SMCO4: variants seen among roughly 807,000 people sequenced by gnomAD.
SMCO4 encodes single-pass membrane and coiled-coil domain-containing protein 4.
Under a neutral mutation model 3.6 loss-of-function variants are expected in SMCO4, and 4 were observed. The ratio of observed to expected loss-of-function variants is 1.11; its 90% CI spans 0.54 to 2.53. The LOEUF is 2.53. Ranked by LOEUF, SMCO4 falls within the 30% of genes most tolerant of loss-of-function variation. SMCO4 has a pLI of 0.02. For synonymous variants in SMCO4, 36 were observed against 35.3 expected (o/e 1.02, Z -0.07); for missense variants, 70 against 80.8 (o/e 0.87, Z 0.51).
chr11:93,524,067 T>A lies in SMCO4; in HGVS notation c.-154+19209A>T, dbSNP rs142357206. Among the ~76,000 whole-genome samples, 435 of 152,314 alleles carry A rather than the reference T, an allele frequency of 2.9e-3. 1 individual carries two copies. Among genetic ancestry groups the A allele is most frequent in the African/African-American group, 0.01 (419 of 41,582 alleles). Reference sequence around the variant, plus strand: ...GGAGTTTCTCAGGCCTCAACCTCTGTAGCTGAGATCTGTATTTTCTTCAAG... The same window carrying A: ...GGAGTTTCTCAGGCCTCAACCTCTGAAGCTGAGATCTGTATTTTCTTCAAG... On this transcript the variant is annotated intron_variant, in intron 1 of 2. Transcript: ENST00000298966.
At chr11:93,497,662 G>A (rs1171372191) in intron 2 of SMCO4, among the ~76,000 whole-genome samples, 1 of 151,366 alleles carries the variant, frequency 6.6e-6, no homozygotes, top group Non-Finnish European at 1.5e-5. Flanking sequence ...TGGTTGGGGG[G>A]AACTGAACCC....
chr11:93,529,091 C>T (rs756874498), intron 1 of SMCO4, among the ~76,000 whole-genome samples: 14 of 152,160 alleles, frequency 9.2e-5, no homozygotes, highest in Non-Finnish European at 1.3e-4. Context: ...CAAAGCCTGC[C>T]TCCACAGATT....
intron 1 of SMCO4, among the ~76,000 whole-genome samples, chr11:93,521,225 T>C (rs918283647): frequency 6.6e-6 from 1 of 152,190 alleles, no homozygotes; most frequent in African/African-American, 2.4e-5. Context: ...AGATTAGAGC[T>C]ACAAGTTTAG....
chr11:93,498,764 G>A (rs181440417), intron 2 of SMCO4, among the ~76,000 whole-genome samples: 16 of 152,292 alleles, frequency 1.1e-4, no homozygotes, highest in Non-Finnish European at 2.1e-4. Flanking sequence ...GAGGCGTGGT[G>A]GGGGTACAAT....
chr11:93,483,627 G>C (rs766548975), intron 2 of SMCO4, among the ~76,000 whole-genome samples: 19 of 152,174 alleles, frequency 1.2e-4, no homozygotes, highest in South Asian at 6.2e-4. Context: ...CCTGTCCTCA[G>C]GGTACTCCGA....
intron 1 of SMCO4, among the ~76,000 whole-genome samples, chr11:93,534,713 G>T (rs1466627880): frequency 1.3e-5 from 2 of 152,068 alleles, no homozygotes; most frequent in Non-Finnish European, 1.5e-5. Flanking sequence ...TGAGCAATAG[G>T]TAAAGGACTC....
intron 1 of SMCO4, among the ~76,000 whole-genome samples, chr11:93,521,782 G>A (rs914108507): frequency 1.5e-4 from 23 of 152,160 alleles, no homozygotes; most frequent in South Asian, 4.1e-4. Flanking sequence ...ACTCAGTACT[G>A]GACTAAGGAT....
chr11:93,479,009 C>A lies in SMCO4; in HGVS notation c.*1G>T. On this transcript the variant is annotated 3_prime_UTR_variant, in exon 3 of 3. Transcript: ENST00000298966. ...ATGGGGTCCGCAGCCGGCTGCGGGG[C>A]TCACTCGGTGATGGTGGGGCGCGTG... 1 of 1,601,914 alleles carries A rather than the reference C, an allele frequency of 6.2e-7. No homozygotes were observed.
intron 1 of SMCO4, among the ~76,000 whole-genome samples, chr11:93,540,292 A>G (rs778964623): frequency 6.6e-6 from 1 of 152,210 alleles, no homozygotes; most frequent in Non-Finnish European, 1.5e-5. Context: ...CACCCACTGC[A>G]ATTAGTGGGT....
At chr11:93,479,908 G>A (rs539001952) in intron 2 of SMCO4, among the ~76,000 whole-genome samples, 83 of 152,226 alleles carry the variant, frequency 5.5e-4, no homozygotes, top group African/African-American at 1.9e-3. Context: ...ACCGTCTAGG[G>A]GGCATGATGG....
rs113572207 is a variant in SMCO4, at chr11:93,483,940, C to T, written c.-80-4671G>A. 5.7e-3 allele frequency among the ~76,000 whole-genome samples: 864 copies of T among 152,338 alleles called. 7 individuals are homozygous for T. The highest frequency in any genetic ancestry group is 0.017 in the Middle Eastern group (5 of 294). On this transcript the variant is annotated intron_variant, in intron 2 of 2. Transcript: ENST00000298966. ...CCCTTGCAGAGAGAAATAAATGAAG[C>T]TCACACGCTCAGCCTGGCTTCTGCC...
chr11:93,525,400 C>G (rs2134625377), intron 1 of SMCO4, among the ~76,000 whole-genome samples: 1 of 152,318 alleles, frequency 6.6e-6, no homozygotes, highest in Middle Eastern at 3.4e-3. Flanking sequence ...TATTATCCAA[C>G]TTGAAGCAGA....
At chr11:93,541,598 A>C (rs780104317) in intron 1 of SMCO4, among the ~76,000 whole-genome samples, 11 of 152,166 alleles carry the variant, frequency 7.2e-5, no homozygotes, top group Admixed American at 2.0e-4. Flanking sequence ...ACAATAAGAA[A>C]AAATTCGGGT....
chr11:93,496,976 A>T (rs1471742599), intron 2 of SMCO4, among the ~76,000 whole-genome samples: 1 of 152,144 alleles, frequency 6.6e-6, no homozygotes, highest in Non-Finnish European at 1.5e-5. Flanking sequence ...GGAAAATGTT[A>T]ATCTAAGAGA....
intron 2 of SMCO4, among the ~76,000 whole-genome samples, chr11:93,483,076 G>C (rs909581614): frequency 6.6e-6 from 1 of 152,170 alleles, no homozygotes; most frequent in African/African-American, 2.4e-5. Flanking sequence ...TCAACAAGAG[G>C]AGGTAGGAAG....
At chr11:93,545,351 G>T (rs948919411), upstream of SMCO4, among the ~76,000 whole-genome samples, 18 of 152,134 alleles carry the variant, frequency 1.2e-4, no homozygotes, top group Admixed American at 3.9e-4. Flanking sequence ...ACTTTGGGAG[G>T]CCGAGGTGGG....
At chr11:93,502,720 C>T (rs189992728) in intron 1 of SMCO4, among the ~76,000 whole-genome samples, 196 of 152,202 alleles carry the variant, frequency 1.3e-3, no homozygotes, top group Admixed American at 2.8e-3. Context: ...TAATGCTACA[C>T]GGCAACATCA....
At chr11:93,495,769 T>G (rs1948765707) in intron 2 of SMCO4, among the ~76,000 whole-genome samples, 1 of 152,202 alleles carries the variant, frequency 6.6e-6, no homozygotes, top group Non-Finnish European at 1.5e-5. Context: ...AATGAAATAG[T>G]GGTCCACCTC....
At chr11:93,548,990 G>C in the SMCO4 span, among the ~76,000 whole-genome samples, 3 of 152,228 alleles carry the variant, frequency 2.0e-5, no homozygotes, top group South Asian at 6.2e-4. Flanking sequence ...TCCTGTCATA[G>C]CTGAAGTAGA....
Sources: allele counts gnomAD v4.1 joint callset (sites outside exome capture counted in the v4.1 genomes callset), GRCh38; gene constraint gnomAD v4.1.1; transcripts MANE v1.5; gene names NCBI Gene and HGNC (gene_info 2026-07-23, HGNC 2026-07-21).